PSAP: variants seen among roughly 807,000 people sequenced by gnomAD.
PSAP encodes the protein prosaposin, also known as precursor of saposins.
In PSAP, 25 loss-of-function variants were observed where a neutral mutation model predicts 66.0. The observed-to-expected ratio is 0.38, with a 90% CI of 0.28 to 0.53. The LOEUF (loss-of-function observed/expected upper bound fraction) is 0.53, where lower values mean the gene tolerates loss of function less well. Ranked by LOEUF, PSAP falls within the 20% of genes least tolerant of loss-of-function variation. PSAP has a pLI of 0.83. For missense variants in PSAP, 649 were observed against 668.8 expected, an observed-to-expected ratio of 0.97 and a Z score of 0.33; for synonymous variants, 273 against 258.9, an observed-to-expected ratio of 1.05 and a Z score of -0.52.
intron 8 of PSAP, 125 bp from the exon 9 acceptor site, chr10:71,820,460 G>C: frequency 1.3e-6 from 1 of 774,464 alleles, no homozygotes; most frequent in South Asian, 1.4e-5. Flanking sequence ...ACTGCCTCCT[G>C]AATTCCAAAT....
chr10:71,846,803 C>G (rs1224730562), intron 1 of PSAP, among the ~76,000 whole-genome samples: 1 of 148,768 alleles, frequency 6.7e-6, no homozygotes, highest in Non-Finnish European at 1.5e-5. Flanking sequence ...TTTCATTGAT[C>G]TGAAGAATAT....
Position 71,834,425 on chromosome 10 carries a change from C to A in PSAP, c.121G>T (p.Asp41Tyr), listed in dbSNP as rs376639872. ...VWCQNVKTAS[D>Y]CGAVKHCLQT... Reference sequence around the variant, plus strand: ...AGGCAGTGCTTCACTGCCCCGCAGTCGGACGCCGTCTTCACATTCTGGCAC... The same window carrying A: ...AGGCAGTGCTTCACTGCCCCGCAGTAGGACGCCGTCTTCACATTCTGGCAC... The change falls in exon 2 of 14, where the codon GAC (aspartate) becomes TAC (tyrosine). Residue 41 changes from aspartate (D) to tyrosine (Y), a missense_variant. Coordinates refer to ENST00000394936, the MANE Select transcript of PSAP (RefSeq NM_002778.4). 1 of 1,613,936 alleles carries A rather than the reference C, an allele frequency of 6.2e-7. No individual in the cohort carries two copies. The highest frequency in any genetic ancestry group is 1.1e-5 in the South Asian group (1 of 91,042).
intron 1 of PSAP, among the ~76,000 whole-genome samples, chr10:71,838,529 G>C (rs182623462): frequency 2.5e-3 from 376 of 152,338 alleles, no homozygotes; most frequent in Middle Eastern, 6.8e-3. Flanking sequence ...CTGAACAATG[G>C]GTGCAAGGAA....
At position 71,821,920 on chromosome 10, in the gene PSAP, A is replaced by T; in HGVS notation, c.865T>A (p.Ser289Thr). 1 of 1,614,220 alleles carries T rather than the reference A, an allele frequency of 6.2e-7. No individual in the cohort carries two copies. Among genetic ancestry groups the T allele is most frequent in the Non-Finnish European group, 8.5e-7 (1 of 1,180,040 alleles). Reference sequence around the variant, plus strand: ...TCCAGGGCAGGGATGACATTCTTGGAGGCCACTTTGGCGGGGACCAGAGTC... The same window carrying T: ...TCCAGGGCAGGGATGACATTCTTGGTGGCCACTTTGGCGGGGACCAGAGTC... ...MQTLVPAKVA[S>T]KNVIPALELV... is the part of the protein sequence containing the mutation. Residue 289 changes from serine (S) to threonine (T), a missense_variant, in exon 8 of 14, where the codon TCC becomes ACC. By Grantham distance (58) the Ser-to-Thr change is moderately conservative. Coordinates refer to ENST00000394936, the MANE Select transcript of PSAP (RefSeq NM_002778.4).
At position 71,825,709 on chromosome 10, in the gene PSAP, G is replaced by A. The variant is rs568398690; in HGVS notation, c.777+128C>T. 2.8e-4 allele frequency: 237 copies of A among 850,844 alleles called. 2 individuals carry two copies. The highest frequency in any genetic ancestry group is 2.2e-3 in the African/African-American group (131 of 59,818). 52.7% of individuals were successfully genotyped at this position (850,844 alleles called of 1,614,324 possible). Reference sequence around the variant, plus strand: ...GGAGAGTCTCCTAGCCAGAGGGGTCGATTTAGCCCAATTCAGCACTCTAAG... The same window carrying A: ...GGAGAGTCTCCTAGCCAGAGGGGTCAATTTAGCCCAATTCAGCACTCTAAG... On this transcript the variant is annotated intron_variant, in intron 7 of 13. Coordinates refer to ENST00000394936, the MANE Select transcript of PSAP (RefSeq NM_002778.4).
At chr10:71,823,312 C>A (rs1463758787) in intron 7 of PSAP, among the ~76,000 whole-genome samples, 1 of 152,164 alleles carries the variant, frequency 6.6e-6, no homozygotes, top group Non-Finnish European at 1.5e-5. Context: ...CCCAAAGGAC[C>A]CTGTTACCCA....
chr10:71,834,294 T>A (rs1030724065), intron 2 of PSAP, 78 bp downstream of exon 2: 3 of 1,602,448 alleles, frequency 1.9e-6, no homozygotes, highest in Non-Finnish European at 2.5e-6. Flanking sequence ...GCTCTGTCAA[T>A]ATGGCAGTGA....
chr10:71,819,260 A>G, intron 11 of PSAP, 149 bp from the exon 12 acceptor site: 2 of 1,004,288 alleles, frequency 2.0e-6, no homozygotes, highest in South Asian at 1.4e-5. Context: ...CTTTCCAGAC[A>G]CCCTATCTAC....
At chr10:71,823,844 G>A (rs559174945) in intron 7 of PSAP, 13 of 1,265,080 alleles carry the variant, frequency 1.0e-5, no homozygotes, top group African/African-American at 9.4e-5. Context: ...AGTAACTAGA[G>A]GAAGCAGCAG....
In PSAP at chr10:71,846,463, G is replaced by A. The variant is rs182635336; in HGVS notation, c.40+4719C>T. On this transcript the variant is annotated intron_variant, in intron 1 of 13. Transcript: ENST00000394936. ...AAAAAAGCCAGGTGCGGCGACTCACGCCTGTAATCCCAACACTTTGGGAGG... is the reference window on the plus strand; with the variant it reads ...AAAAAAGCCAGGTGCGGCGACTCACACCTGTAATCCCAACACTTTGGGAGG... 6.4e-3 allele frequency among the ~76,000 whole-genome samples: 939 copies of A among 145,746 alleles called. 8 individuals are homozygous for A. The highest frequency in any genetic ancestry group is 0.019 in the African/African-American group (737 of 39,158).
In PSAP at chr10:71,840,814, A is replaced by G. The variant is rs369158739; in HGVS notation, c.41-6309T>C. On this transcript the variant is annotated intron_variant, in intron 1 of 13. Transcript: ENST00000394936. ...ACATTATCTACACGGAGAAGGCAAC[A>G]GAGTCCTCAGGGAAATTACCTTGTG... is the stretch of plus-strand genomic sequence containing the variant. Among the ~76,000 whole-genome samples the G allele has an allele frequency of 2.6e-5, 4 of 152,368 alleles. No individual in the cohort carries two copies. The South Asian group carries it at 8.3e-4, about 32-fold the overall frequency.
Position 71,834,420 on chromosome 10 carries a change from G to A in PSAP, c.126C>T (p.Cys42=), listed in dbSNP as rs372943091. 8.7e-6 allele frequency: 14 copies of A among 1,613,834 alleles called. 1 individual carries two copies. Among genetic ancestry groups the A allele is most frequent in the East Asian group, 6.7e-5 (3 of 44,888 alleles). The part of the protein sequence containing the change: ...WCQNVKTASD[C]GAVKHCLQTV... The stretch of plus-strand genomic sequence containing the variant: ...TCTGCAGGCAGTGCTTCACTGCCCC[G>A]CAGTCGGACGCCGTCTTCACATTCT... Residue 42 remains cysteine, a synonymous_variant, in exon 2 of 14, where the codon TGC becomes TGT. Transcript: ENST00000394936.
chr10:71,822,911 T>C (rs886750091), intron 7 of PSAP, among the ~76,000 whole-genome samples: 2 of 151,632 alleles, frequency 1.3e-5, no homozygotes, highest in Non-Finnish European at 2.9e-5. Flanking sequence ...CTGAAAAGTA[T>C]ATCCCAAATA....
intron 1 of PSAP, among the ~76,000 whole-genome samples, chr10:71,846,559 T>C (rs1193835684): frequency 6.6e-6 from 1 of 151,418 alleles, no homozygotes; most frequent in Non-Finnish European, 1.5e-5. Flanking sequence ...ACCCTTTCTC[T>C]ACTAAAAATA....
intron 1 of PSAP, among the ~76,000 whole-genome samples, chr10:71,836,358 TG>T (rs1842628862): frequency 6.6e-6 from 1 of 151,652 alleles, no homozygotes; most frequent in South Asian, 2.1e-4. Context: ...AGGGGAGCGG[TG>T]GAGGGGAGGC....
intron 1 of PSAP, among the ~76,000 whole-genome samples, chr10:71,836,356 G>A (rs937409584): frequency 6.6e-6 from 1 of 152,096 alleles, no homozygotes; most frequent in African/African-American, 2.4e-5. Flanking sequence ...TCAGGGGAGC[G>A]GTGGAGGGGA....
At chr10:71,840,409 T>C (rs892076915) in intron 1 of PSAP, among the ~76,000 whole-genome samples, 1 of 152,214 alleles carries the variant, frequency 6.6e-6, no homozygotes, top group African/African-American at 2.4e-5. Context: ...CAGGAGATAA[T>C]GCAATGCACT....
At chr10:71,838,886 A>C (rs1158142915) in intron 1 of PSAP, among the ~76,000 whole-genome samples, 2 of 152,202 alleles carry the variant, frequency 1.3e-5, no homozygotes, top group African/African-American at 4.8e-5. Context: ...TGGTGGGCTG[A>C]ACTAAAAGAG....
At chr10:71,848,740 A>T (rs1842870817) in intron 1 of PSAP, among the ~76,000 whole-genome samples, 1 of 152,208 alleles carries the variant, frequency 6.6e-6, no homozygotes, top group Non-Finnish European at 1.5e-5. Flanking sequence ...TCACTAACAA[A>T]ACTCATTATC....
Sources: allele counts gnomAD v4.1 joint callset (sites outside exome capture counted in the v4.1 genomes callset), GRCh38; gene constraint gnomAD v4.1.1; transcripts MANE v1.5; gene names NCBI Gene and HGNC (gene_info 2026-07-23, HGNC 2026-07-21).